TTC28: variants seen among roughly 807,000 people sequenced by gnomAD.
The protein encoded by TTC28 is tetratricopeptide repeat protein 28.
In TTC28, 61 loss-of-function variants were observed where a neutral mutation model predicts 198.0. That is an observed-to-expected ratio of 0.31 (90% CI 0.25 to 0.38). TTC28 has a LOEUF of 0.38. Ranked by LOEUF, TTC28 falls within the 10% of genes least tolerant of loss-of-function variation. The pLI is 1.00. For missense variants in TTC28, 2,678 were observed against 3,164.0 expected (o/e 0.85, Z 3.69); for synonymous variants, 1,171 against 1,297.8 (o/e 0.90, Z 2.10).
chr22:28,579,354 A>C (rs2050198888), intron 2 of TTC28, among the ~76,000 whole-genome samples: 1 of 149,492 alleles, frequency 6.7e-6, no homozygotes, highest in Non-Finnish European at 1.5e-5. Context: ...TATATACATA[A>C]CTATACATAT....
intron 5 of TTC28, among the ~76,000 whole-genome samples, chr22:28,240,908 G>A (rs941475944): frequency 6.6e-6 from 1 of 151,858 alleles, no homozygotes; most frequent in Non-Finnish European, 1.5e-5. Flanking sequence ...AGCAAAATAA[G>A]AAATAAAATA....
In TTC28 at chr22:28,163,311, T is replaced by C; in HGVS notation, c.1222A>G (p.Arg408Gly). ...TAAGACATGGCCTTGTCAAAGTTCC[T>C]CCGGTAGTGATAGGCACTGCCCAGG... The part of the protein sequence containing the change: ...SNLGSAYHYR[R>G]NFDKAMSYHN... Residue 408 changes from arginine (R) to glycine (G), a missense_variant, in exon 6 of 23, where the codon AGG becomes GGG. By Grantham distance (125) the Arg-to-Gly change is moderately radical (BLOSUM62 -2). Coordinates refer to ENST00000397906, the MANE Select transcript of TTC28 (RefSeq NM_001145418.2). 1 of 1,552,072 alleles carries C rather than the reference T, an allele frequency of 6.4e-7. No homozygotes were observed. Among genetic ancestry groups the C allele is most frequent in the Non-Finnish European group, 8.7e-7 (1 of 1,147,076 alleles).
intron 12 of TTC28, among the ~76,000 whole-genome samples, chr22:28,058,472 G>C (rs1228936559): frequency 6.6e-6 from 1 of 151,884 alleles, no homozygotes; most frequent in African/African-American, 2.4e-5. Flanking sequence ...TGTTAAACCA[G>C]CCTTATATTT....
intron 1 of TTC28, among the ~76,000 whole-genome samples, chr22:28,646,822 C>T (rs2051475359): frequency 6.6e-6 from 1 of 152,126 alleles, no homozygotes; most frequent in Non-Finnish European, 1.5e-5. Context: ...CAAGATCACA[C>T]CACTGCAGTC....
intron 12 of TTC28, among the ~76,000 whole-genome samples, chr22:28,051,719 G>T (rs1569108404): frequency 6.6e-6 from 1 of 152,106 alleles, no homozygotes; most frequent in Non-Finnish European, 1.5e-5. Context: ...TTAGCTAGTG[G>T]GAAACGTCCC....
chr22:28,501,976 C>G (rs750821053), intron 2 of TTC28, among the ~76,000 whole-genome samples: 1 of 152,122 alleles, frequency 6.6e-6, no homozygotes, highest in African/African-American at 2.4e-5. Context: ...AGCTGAAAAG[C>G]TGATTGGTAC....
chr22:28,055,531 C>T (rs1244827304), intron 12 of TTC28, among the ~76,000 whole-genome samples: 2 of 152,148 alleles, frequency 1.3e-5, no homozygotes, highest in South Asian at 2.1e-4. Context: ...AATAGACCTC[C>T]GCTTAATGTC....
intron 12 of TTC28, among the ~76,000 whole-genome samples, chr22:28,032,255 A>AG (rs1939154982): frequency 1.4e-4 from 14 of 96,848 alleles, no homozygotes; most frequent in East Asian, 1.2e-3. Context: ...TATAAAATAT[A>AG]TATATATATA....
chr22:28,601,369 T>G (rs1388046337), intron 2 of TTC28, among the ~76,000 whole-genome samples: 4 of 152,196 alleles, frequency 2.6e-5, no homozygotes, highest in Non-Finnish European at 5.9e-5. Context: ...ATCCATGGGT[T>G]CTGCATCTGT....
At position 28,351,543 on chromosome 22, in the gene TTC28, C is replaced by T. The variant is rs564388008; in HGVS notation, c.382-44900G>A. Among the ~76,000 whole-genome samples, 3 of 152,262 alleles carry T rather than the reference C, an allele frequency of 2.0e-5. No individual in the cohort carries two copies. In the South Asian group the frequency reaches 6.2e-4, roughly 32 times the overall value. On this transcript the variant is annotated intron_variant, in intron 2 of 22. Transcript: ENST00000397906. Reference sequence around the variant, plus strand: ...CATATTATAGTTTTGTAGAATTCATCACGGAGCTTTTAAATTCCCAAATAC... The same window carrying T: ...CATATTATAGTTTTGTAGAATTCATTACGGAGCTTTTAAATTCCCAAATAC...
rs999670571 is a variant in TTC28 at position 27,982,081 on chromosome 22, G to A, written c.*140C>T. 20 of 854,838 alleles carry A rather than the reference G, an allele frequency of 2.3e-5. No homozygotes were observed. Among genetic ancestry groups the A allele is most frequent in the East Asian group, 8.6e-5 (3 of 34,982 alleles). 53.0% of individuals were successfully genotyped at this position (854,838 alleles called of 1,614,324 possible). A position where few individuals can be genotyped will look rare whatever the true frequency, so the allele number is the denominator to read the frequency against. On this transcript the variant is annotated 3_prime_UTR_variant, in exon 23 of 23. Coordinates refer to ENST00000397906, the MANE Select transcript of TTC28 (RefSeq NM_001145418.2). The surrounding 1 kb of genome is among the most constrained non-coding windows in gnomAD (Gnocchi z 5.2). ...CCAGTGTGTGTGGCAGCCTTTGGAC[G>A]TGGTGGTGCCCCTCGCCTGCAGAGC... is the stretch of plus-strand genomic sequence containing the variant.
At chr22:28,573,022 T>C (rs1173142669) in intron 2 of TTC28, among the ~76,000 whole-genome samples, 1 of 151,146 alleles carries the variant, frequency 6.6e-6, no homozygotes, top group East Asian at 1.9e-4. Context: ...CTTGGGAGGC[T>C]GAGGTGGGAG....
rs181531703 is a variant in TTC28 at position 28,483,920 on chromosome 22, A to T, written c.381+145632T>A. ...AAAGTTTGGCTTTACATACAAAAGT[A>T]ATATGAGTATATACTGCTTTAAAAC... On this transcript the variant is annotated intron_variant, in intron 2 of 22. Transcript: ENST00000397906. Among the ~76,000 whole-genome samples the T allele has an allele frequency of 2.3e-3, 349 of 152,344 alleles. 1 individual carries two copies. Among genetic ancestry groups the T allele is most frequent in the Non-Finnish European group, 3.3e-3 (226 of 68,032 alleles).
At chr22:28,099,881 T>C (rs1942093066) in intron 9 of TTC28, among the ~76,000 whole-genome samples, 1 of 152,166 alleles carries the variant, frequency 6.6e-6, no homozygotes, top group Non-Finnish European at 1.5e-5. Context: ...GCGATAGCTC[T>C]TTGCAGATGG....
intron 2 of TTC28, among the ~76,000 whole-genome samples, chr22:28,439,841 C>CT (rs1213939103): frequency 5.4e-4 from 76 of 141,580 alleles, no homozygotes; most frequent in African/African-American, 1.3e-3. Flanking sequence ...AAGCTGTACA[C>CT]TTTTTTTTTT....
chr22:28,356,322 T>G (rs1157148118), intron 2 of TTC28, among the ~76,000 whole-genome samples: 1 of 152,106 alleles, frequency 6.6e-6, no homozygotes, highest in Non-Finnish European at 1.5e-5. Flanking sequence ...CTCTATTCTA[T>G]CCCTACCAAA....
At chr22:28,422,522 T>G (rs1330141778) in intron 2 of TTC28, among the ~76,000 whole-genome samples, 1 of 151,778 alleles carries the variant, frequency 6.6e-6, no homozygotes, top group Non-Finnish European at 1.5e-5. Flanking sequence ...CACTGCAAGC[T>G]CCACCTCCCA....
At chr22:28,168,190 G>C (rs1205920121) in intron 5 of TTC28, among the ~76,000 whole-genome samples, 1 of 152,130 alleles carries the variant, frequency 6.6e-6, no homozygotes, top group African/African-American at 2.4e-5. Context: ...CCAAATGCAA[G>C]AACATTCCAT....
intron 12 of TTC28, among the ~76,000 whole-genome samples, chr22:28,049,672 T>A (rs954306559): frequency 6.6e-6 from 1 of 151,902 alleles, no homozygotes; most frequent in African/African-American, 2.4e-5. Context: ...ATACACATAA[T>A]GTGAGGTGGT....
Sources: allele counts gnomAD v4.1 joint callset (sites outside exome capture counted in the v4.1 genomes callset), GRCh38; gene constraint gnomAD v4.1.1; non-coding constraint Gnocchi (gnomAD v3.1); transcripts MANE v1.5; gene names NCBI Gene and HGNC (gene_info 2026-07-23, HGNC 2026-07-21).